SDR42E1: variants seen among roughly 807,000 people sequenced by gnomAD.
SDR42E1 encodes the protein short-chain dehydrogenase/reductase family 42E member 1.
SDR42E1 carries 5 observed loss-of-function variants against 2.6 expected under a neutral mutation model. That is an observed-to-expected ratio of 1.94 (90% CI 1.01 to 4.08). The LOEUF (loss-of-function observed/expected upper bound fraction) is 4.08. Among genes scored for constraint, SDR42E1 ranks in the 30% most tolerant of loss-of-function variants. SDR42E1 has a pLI of 0.00. For synonymous variants in SDR42E1, 231 were observed against 188.3 expected (o/e 1.23, Z -1.86); for missense variants, 596 against 478.6 (o/e 1.25, Z -2.29).
chr16:82,004,329 CACCACGAATAA>C, intron 1 of SDR42E1, among the ~76,000 whole-genome samples: 1 of 152,038 alleles, frequency 6.6e-6, no homozygotes, highest in Non-Finnish European at 1.5e-5. Context: ...GGTGGGGGTG[CACCACGAATAA>C]ATGGATCACA....
chr16:81,991,912 T>C lies in SDR42E1; in HGVS notation c.*7199A>G, dbSNP rs1912436607. The C allele has an allele frequency of 6.6e-6, 1 of 151,830 alleles. No homozygotes were observed. The highest frequency in any genetic ancestry group is 1.5e-5 in the Non-Finnish European group (1 of 67,944). 9.4% of individuals were successfully genotyped at this position (151,830 alleles called of 1,614,324 possible). ...AAGAAAGCTAAATAAGCCTAAGAAA[T>C]AAAGAAAGCCTCAGGTGGATCACCT... is the stretch of plus-strand genomic sequence containing the variant. On this transcript the variant is annotated 3_prime_UTR_variant, in exon 3 of 3. Transcript: ENST00000328945.
At chr16:82,005,103 A>C (rs1912892130) in intron 1 of SDR42E1, among the ~76,000 whole-genome samples, 1 of 152,250 alleles carries the variant, frequency 6.6e-6, no homozygotes, top group Non-Finnish European at 1.5e-5. Flanking sequence ...AAACATTCCA[A>C]CGGAAATACC....
chr16:82,009,481 C>T (rs1022371820), intron 1 of SDR42E1, among the ~76,000 whole-genome samples: 1 of 152,218 alleles, frequency 6.6e-6, no homozygotes, highest in Non-Finnish European at 1.5e-5. Flanking sequence ...GACACGGAGT[C>T]AAAGGAGGTC....
At position 82,001,679 on chromosome 16, in the gene SDR42E1, G is replaced by T. The variant is rs561759276; in HGVS notation, c.-26-795C>A. Reference sequence around the variant, plus strand: ...GCACTTTGGGAGGCCGAGGCAGGCGGATCATGAGGTCAGGAGATCGAGACC... The same window carrying T: ...GCACTTTGGGAGGCCGAGGCAGGCGTATCATGAGGTCAGGAGATCGAGACC... On this transcript the variant is annotated intron_variant, in intron 1 of 2. Coordinates refer to ENST00000328945, the MANE Select transcript of SDR42E1 (RefSeq NM_145168.3). 1.2e-3 allele frequency among the ~76,000 whole-genome samples: 177 copies of T among 152,158 alleles called. 2 individuals are homozygous for T. The highest frequency in any genetic ancestry group is 4.1e-3 in the African/African-American group (171 of 41,512).
intron 1 of SDR42E1, among the ~76,000 whole-genome samples, chr16:82,001,606 T>C (rs1412895367): frequency 3.3e-5 from 5 of 151,900 alleles, no homozygotes; most frequent in African/African-American, 1.2e-4. Flanking sequence ...ACTCCTTCCA[T>C]GTGGGAGGGA....
At position 81,999,864 on chromosome 16, in the gene SDR42E1, C is replaced by A. The variant is rs748000244; in HGVS notation, c.429G>T (p.Leu143=). 11 of 1,614,120 alleles carry A rather than the reference C, an allele frequency of 6.8e-6. No homozygotes were observed. The highest frequency in any genetic ancestry group is 3.3e-4 in the Middle Eastern group (2 of 6,062). The change falls in exon 3 of 3, where the codon CTG becomes CTT. Residue 143 remains leucine, a synonymous_variant. Coordinates refer to ENST00000328945, the MANE Select transcript of SDR42E1 (RefSeq NM_145168.3). ...AGTGATCAGGGTGGAGGTGAAGAGG[C>A]AGGTAGGGCAGAGATTCATCCCCAT... ...IRNGDESLPY[L]PLHLHPDHYS...
At position 82,007,295 on chromosome 16, in the gene SDR42E1, G is replaced by A. The variant is rs376929539; in HGVS notation, c.-27+4092C>T. ...CTTCACTAGGTCAGCAGTTTGCCAC[G>A]TCTATAAATTGAAGTAATACCAAGT... On this transcript the variant is annotated intron_variant, in intron 1 of 2. Coordinates refer to ENST00000328945, the MANE Select transcript of SDR42E1 (RefSeq NM_145168.3). 9.9e-5 allele frequency among the ~76,000 whole-genome samples: 15 copies of A among 152,104 alleles called. No individual in the cohort carries two copies. The East Asian group carries it at 1.9e-3, about 20-fold the overall frequency.
In SDR42E1 at chr16:81,997,455, A is replaced by T. The variant is rs1166412738; in HGVS notation, c.*1656T>A. ...AATGACACTGTGACATTTGAGGCCA[A>T]GTCATAAAGGACAATGCAGCTTCCA... is the stretch of plus-strand genomic sequence containing the variant. On this transcript the variant is annotated 3_prime_UTR_variant, in exon 3 of 3. Transcript: ENST00000328945. 1 of 152,314 alleles carries T rather than the reference A, an allele frequency of 6.6e-6. No homozygotes were observed. Among genetic ancestry groups the T allele is most frequent in the African/African-American group, 2.4e-5 (1 of 41,462 alleles). The allele number at this position is 152,314 out of a possible 1,614,324, so 9.4% of individuals were successfully genotyped here. A position where few individuals can be genotyped will look rare whatever the true frequency, so the allele number is the denominator to read the frequency against.
chr16:81,999,298 T>C lies in SDR42E1; in HGVS notation c.995A>G (p.Lys332Arg). ...TGGCTGAGCCTTATAACCTAGCTCT[T>C]TCTTGGCTTTCTCTAAGCTAAAATA... ...THYFSLEKAK[K>R]ELGYKAQPFD... Residue 332 changes from lysine to arginine, a missense_variant, in exon 3 of 3, where the codon AAA becomes AGA. Coordinates refer to ENST00000328945, the MANE Select transcript of SDR42E1 (RefSeq NM_145168.3). 1 of 1,614,258 alleles carries C rather than the reference T, an allele frequency of 6.2e-7. No homozygotes were observed. The highest frequency in any genetic ancestry group is 8.5e-7 in the Non-Finnish European group (1 of 1,180,044).
chr16:82,003,365 C>A (rs144268222), intron 1 of SDR42E1, among the ~76,000 whole-genome samples: 75 of 152,306 alleles, frequency 4.9e-4, no homozygotes, highest in African/African-American at 1.6e-3. Flanking sequence ...GCAGTCAATT[C>A]TGTTCTTTAG....
Position 81,997,585 on chromosome 16 carries a change from G to A in SDR42E1, c.*1526C>T, listed in dbSNP as rs1332021455. ...GCGTTAACCCCAGGCTAATGCAAAA[G>A]CTTCTTTATGACAGAAAAGACTCCA... On this transcript the variant is annotated 3_prime_UTR_variant, in exon 3 of 3. Transcript: ENST00000328945. The A allele has an allele frequency of 6.6e-6, 1 of 152,216 alleles. No individual in the cohort carries two copies. The highest frequency in any genetic ancestry group is 2.4e-5 in the African/African-American group (1 of 41,460). The allele number at this position is 152,216 out of a possible 1,614,324, so 9.4% of individuals were successfully genotyped here. A position where few individuals can be genotyped will look rare whatever the true frequency, so the allele number is the denominator to read the frequency against.
At chr16:82,001,017 C>G (rs1912740866) in intron 1 of SDR42E1, 133 bp from the exon 2 acceptor site, 1 of 583,500 alleles carries the variant, frequency 1.7e-6, no homozygotes, top group Admixed American at 3.3e-5. Flanking sequence ...CTGGTCACAG[C>G]TGTGTCATTT....
At chr16:82,007,379 T>C (rs551539446) in intron 1 of SDR42E1, among the ~76,000 whole-genome samples, 4 of 152,234 alleles carry the variant, frequency 2.6e-5, no homozygotes, top group African/African-American at 9.6e-5. Context: ...AAGCACTTAC[T>C]CTCTGCCAGG....
chr16:82,005,391 A>C (rs1339919889), intron 1 of SDR42E1, among the ~76,000 whole-genome samples: 1 of 152,216 alleles, frequency 6.6e-6, no homozygotes, highest in Non-Finnish European at 1.5e-5. Context: ...ACAGCAAGGA[A>C]AAAGCTTATC....
chr16:82,010,231 G>A (rs898038734), intron 1 of SDR42E1, among the ~76,000 whole-genome samples: 18 of 152,162 alleles, frequency 1.2e-4, no homozygotes, highest in Admixed American at 8.5e-4. Flanking sequence ...ACAATCTTCC[G>A]AAGTTGTTAC....
intron 1 of SDR42E1, 139 bp from the exon 2 acceptor site, chr16:82,001,023 C>A: frequency 3.5e-6 from 2 of 570,462 alleles, no homozygotes; most frequent in Admixed American, 3.3e-5. Context: ...ACAGCTGTGT[C>A]ATTTAGCTAC....
At position 81,997,843 on chromosome 16, in the gene SDR42E1, T is replaced by A. The variant is rs11443; in HGVS notation, c.*1268A>T. ...CACGATATTCACGGTGTTGGTATTATGACATCAAGTTCAGAGCTTTTCTGA... is the reference window on the plus strand; with the variant it reads ...CACGATATTCACGGTGTTGGTATTAAGACATCAAGTTCAGAGCTTTTCTGA... On this transcript the variant is annotated 3_prime_UTR_variant, in exon 3 of 3. Transcript: ENST00000328945. 1 of 152,112 alleles carries A rather than the reference T, an allele frequency of 6.6e-6. No homozygotes were observed. The highest frequency in any genetic ancestry group is 2.4e-5 in the African/African-American group (1 of 41,438). 9.4% of individuals were successfully genotyped at this position (152,112 alleles called of 1,614,324 possible). A position where few individuals can be genotyped will look rare whatever the true frequency, so the allele number is the denominator to read the frequency against.
intron 1 of SDR42E1, among the ~76,000 whole-genome samples, chr16:82,006,337 C>G (rs9921872): frequency 0.12 from 18,926 of 152,200 alleles, 3,601 homozygotes; most frequent in African/African-American, 0.41. Context: ...CAAATATATT[C>G]ATGCTAGAGG....
At chr16:82,009,067 T>C (rs1913041452) in intron 1 of SDR42E1, among the ~76,000 whole-genome samples, 2 of 152,134 alleles carry the variant, frequency 1.3e-5, no homozygotes, top group African/African-American at 4.8e-5. Flanking sequence ...GTTAAGCCTG[T>C]GGGTACACAG....
Sources: gnomAD v4.1 joint callset for allele counts (sites outside exome capture counted in the v4.1 genomes callset) on GRCh38, gnomAD v4.1.1 for gene constraint, MANE v1.5 for transcripts, NCBI Gene and HGNC (gene_info 2026-07-23, HGNC 2026-07-21) for gene names.